The following HDAC9 variants were observed in gnomAD, a reference collection of about 807,000 sequenced individuals.
HDAC9 encodes MEF-2 interacting transcription repressor (MITR) protein.
A neutral mutation model predicts 139.4 loss-of-function variants in HDAC9; 41 were observed. The observed-to-expected ratio is 0.29, with a 90% CI of 0.23 to 0.38. The LOEUF is 0.38. Ranked by LOEUF, HDAC9 falls within the 10% of genes least tolerant of loss-of-function variation. HDAC9 has a pLI of 1.00. For missense variants in HDAC9, 1,147 were observed against 1,297.0 expected (o/e 0.88, Z 1.78); for synonymous variants, 517 against 476.2 (o/e 1.09, Z -1.12).
intron 2 of HDAC9, among the ~76,000 whole-genome samples, chr7:18,536,143 A>G (rs801765): frequency 0.018 from 2,807 of 152,352 alleles, 78 homozygotes; most frequent in African/African-American, 0.064. Flanking sequence ...GCAGCCTGCA[A>G]TGAATGACTG....
chr7:18,240,759 C>G (rs1794137349), intron 2 of HDAC9, among the ~76,000 whole-genome samples: 1 of 152,210 alleles, frequency 6.6e-6, no homozygotes, highest in Non-Finnish European at 1.5e-5. Flanking sequence ...TCTTTCTGGC[C>G]TCATCTGTAA....
At chr7:18,703,711 G>T (rs763004663) in intron 12 of HDAC9, among the ~76,000 whole-genome samples, 1 of 152,060 alleles carries the variant, frequency 6.6e-6, no homozygotes, top group Non-Finnish European at 1.5e-5. Flanking sequence ...AAAACAAAAG[G>T]AAGAAAAATT....
At chr7:18,548,708 T>C (rs1274447000) in intron 2 of HDAC9, among the ~76,000 whole-genome samples, 1 of 151,962 alleles carries the variant, frequency 6.6e-6, no homozygotes, top group East Asian at 1.9e-4. Context: ...AATAAGGAAA[T>C]GGGCAAAAAT....
intron 22 of HDAC9, among the ~76,000 whole-genome samples, chr7:18,931,926 G>A (rs1451958516): frequency 6.6e-6 from 1 of 152,094 alleles, no homozygotes; most frequent in Non-Finnish European, 1.5e-5. Context: ...GTGGATGCGT[G>A]ACATTATGCA....
intron 6 of HDAC9, among the ~76,000 whole-genome samples, chr7:18,602,362 C>G (rs1447704997): frequency 6.6e-6 from 1 of 151,756 alleles, no homozygotes; most frequent in East Asian, 1.9e-4. Flanking sequence ...TTCCTGACAG[C>G]CTGACTGTAG....
At chr7:18,447,173 A>T (rs1284246384) in intron 1 of HDAC9, among the ~76,000 whole-genome samples, 1 of 152,128 alleles carries the variant, frequency 6.6e-6, no homozygotes, top group Non-Finnish European at 1.5e-5. Context: ...CCAAATCTAG[A>T]TATGAGTCAG....
rs913590602 is a variant in HDAC9 at position 18,258,985 on chromosome 7, T to C, written c.25+96636T>C. ...TTTTTTTTTTTTTTTTTTTTTTTTT[T>C]TTTAAACAGGGTCTCACTCTGTCGT... On this transcript the variant is annotated intron_variant, in intron 2 of 12. Transcript: ENST00000417496. 4.6e-3 allele frequency among the ~76,000 whole-genome samples: 354 copies of C among 76,518 alleles called. 8 individuals are homozygous for C. Among genetic ancestry groups the C allele is most frequent in the Middle Eastern group, 0.026 (3 of 114 alleles). 50.2% of individuals were successfully genotyped at this position (76,518 alleles called of 152,430 possible).
At chr7:18,431,353 C>G (rs566471306) in intron 1 of HDAC9, among the ~76,000 whole-genome samples, 106 of 152,240 alleles carry the variant, frequency 7.0e-4, no homozygotes, top group Non-Finnish European at 1.0e-3. Flanking sequence ...CAGATACTTT[C>G]AAGGGTCCCG....
Position 18,997,475 on chromosome 7 carries a change from T to C in HDAC9, c.*1413T>C, listed in dbSNP as rs1486222444. ...CATATAACTCAAACACCTAAACATA[T>C]TGAGGTAGAATATCTCACAGTATTT... On this transcript the variant is annotated 3_prime_UTR_variant, in exon 26 of 26. Transcript: ENST00000686413. 6.6e-6 allele frequency: 1 copy of C among 152,172 alleles called. No individual in the cohort carries two copies. Among genetic ancestry groups the C allele is most frequent in the South Asian group, 2.1e-4 (1 of 4,828 alleles). 9.4% of individuals were successfully genotyped at this position (152,172 alleles called of 1,614,324 possible).
chr7:18,960,911 A>C (rs145115275), intron 24 of HDAC9, among the ~76,000 whole-genome samples: 3 of 152,050 alleles, frequency 2.0e-5, no homozygotes, highest in Non-Finnish European at 4.4e-5. Context: ...AAGTTATCCA[A>C]TGTTTTGACC....
intron 1 of HDAC9, among the ~76,000 whole-genome samples, chr7:18,430,179 C>G (rs148448667): frequency 6.6e-6 from 1 of 152,258 alleles, no homozygotes; most frequent in Non-Finnish European, 1.5e-5. Context: ...TGAACTTGTT[C>G]TCCTAGACTA....
At chr7:18,663,459 C>A (rs1382335612) in intron 11 of HDAC9, among the ~76,000 whole-genome samples, 1 of 152,024 alleles carries the variant, frequency 6.6e-6, no homozygotes, top group African/African-American at 2.4e-5. Flanking sequence ...CCTCCCTCCC[C>A]CTCACCCCCC....
rs139018575 is a variant in HDAC9 at position 18,229,065 on chromosome 7, C to T, written c.25+66716C>T. Among the ~76,000 whole-genome samples the T allele has an allele frequency of 4.4e-3, 669 of 152,166 alleles. 5 individuals carry two copies. The highest frequency in any genetic ancestry group is 6.4e-3 in the African/African-American group (267 of 41,512). ...AAATGCAAAATTAGTGAAAAGATCT[C>T]GGAAGGGGCCTATGCAAGGAAAGGG... is the stretch of plus-strand genomic sequence containing the variant. On this transcript the variant is annotated intron_variant, in intron 2 of 12. Coordinates refer to the HDAC9 transcript ENST00000417496.
At chr7:18,490,500 A>G (rs1318759530) in intron 1 of HDAC9, among the ~76,000 whole-genome samples, 1 of 151,978 alleles carries the variant, frequency 6.6e-6, no homozygotes, top group Non-Finnish European at 1.5e-5. Flanking sequence ...GATTTCTCAG[A>G]CCCTTTACCT....
chr7:18,375,551 C>G (rs1202435723), intron 1 of HDAC9, among the ~76,000 whole-genome samples: 1 of 151,990 alleles, frequency 6.6e-6, no homozygotes, highest in East Asian at 1.9e-4. Flanking sequence ...CTAAGTTGTC[C>G]TTTCCTTTTC....
At chr7:18,484,115 G>A (rs540720062) in intron 1 of HDAC9, among the ~76,000 whole-genome samples, 3 of 151,346 alleles carry the variant, frequency 2.0e-5, no homozygotes, top group African/African-American at 4.9e-5. Flanking sequence ...GGCTGAGGTG[G>A]GAGGATTGCT....
intron 2 of HDAC9, among the ~76,000 whole-genome samples, chr7:18,548,661 TAACTC>T (rs1816033703): frequency 6.6e-6 from 1 of 152,036 alleles, no homozygotes; most frequent in South Asian, 2.1e-4. Context: ...AATGTATAAA[TAACTC>T]AACACTCAAC....
At chr7:18,612,829 C>A (rs1428224333) in intron 6 of HDAC9, among the ~76,000 whole-genome samples, 2 of 151,878 alleles carry the variant, frequency 1.3e-5, no homozygotes, top group African/African-American at 4.8e-5. Context: ...TCTCATCTCT[C>A]TTTTAAGGGG....
At chr7:18,993,984 C>G (rs1040205841) in intron 25 of HDAC9, among the ~76,000 whole-genome samples, 1 of 152,136 alleles carries the variant, frequency 6.6e-6, no homozygotes, top group Admixed American at 6.5e-5. Flanking sequence ...TTCTATTGTA[C>G]CTGCAAGTTG....
Sources: allele counts gnomAD v4.1 joint callset (sites outside exome capture counted in the v4.1 genomes callset), GRCh38; gene constraint gnomAD v4.1.1; transcripts MANE v1.5; gene names NCBI Gene and HGNC (gene_info 2026-07-23, HGNC 2026-07-21).